Variants in TKTL1 observed in about 807,000 individuals in gnomAD.
TKTL1 encodes transketolase-like protein 1.
Under a neutral mutation model 39.3 loss-of-function variants are expected in TKTL1, and 1 was observed. The observed-to-expected ratio is 0.03, with a 90% CI of 0.01 to 0.12. The LOEUF (loss-of-function observed/expected upper bound fraction) is 0.12. Among genes scored for constraint, TKTL1 ranks in the 10% least tolerant of loss-of-function variants. TKTL1 has a pLI of 1.00. For missense variants in TKTL1, 575 were observed against 509.6 expected, an observed-to-expected ratio of 1.13 and a Z score of -1.24; for synonymous variants, 262 against 193.8, an observed-to-expected ratio of 1.35 and a Z score of -2.92.
rs782531190 is a variant in TKTL1, at chrX:154,329,572, C to T, written c.1675C>T (p.His559Tyr). Residue 559 changes from histidine (H) to tyrosine (Y), a missense_variant, in exon 13 of 13, where the codon CAT (histidine) becomes TAT (tyrosine). His to Tyr is a moderately conservative substitution (Grantham distance 83). Coordinates refer to ENST00000369915, the MANE Select transcript of TKTL1 (RefSeq NM_012253.4). ...AVSMDPDIQV[H>Y]SLAVSGVPQS... ...CTCCATGGATCCTGACATTCAGGTT[C>T]ATTCGCTGGCAGTGTCGGGAGTGCC... is the stretch of plus-strand genomic sequence containing the variant. The T allele has an allele frequency of 7.4e-6, 9 of 1,210,228 alleles. No individual in the cohort carries two copies. Among genetic ancestry groups the T allele is most frequent in the South Asian group, 3.5e-5 (2 of 56,897 alleles).
chrX:154,309,280 C>T lies in TKTL1; in HGVS notation c.253-65C>T, dbSNP rs782085885. The stretch of plus-strand genomic sequence containing the variant: ...TGACAGGAGCAGCCTGCACTCAGTG[C>T]GTGAGTCCACCTGATACCATGTCCT... On this transcript the variant is annotated intron_variant, in intron 2 of 12. Transcript: ENST00000369915. 14 of 944,209 alleles carry T rather than the reference C, an allele frequency of 1.5e-5. No homozygotes were observed. The East Asian group carries it at 3.4e-4, about 23-fold the overall frequency. The allele number at this position is 944,209 out of a possible 1,213,427, so 77.8% of individuals were successfully genotyped here.
intron 6 of TKTL1, among the ~76,000 whole-genome samples, chrX:154,314,449 A>C (rs2067381828): frequency 8.9e-6 from 1 of 111,870 alleles, no homozygotes; most frequent in Non-Finnish European, 1.9e-5. Flanking sequence ...AATAGAATTC[A>C]GTGTTCTAGT....
At chrX:154,304,747 G>A (rs1306733897) in intron 1 of TKTL1, among the ~76,000 whole-genome samples, 2 of 109,727 alleles carry the variant, frequency 1.8e-5, no homozygotes, top group Non-Finnish European at 3.8e-5. Context: ...CCAGGGAGTT[G>A]GTTTTGTCCC....
intron 5 of TKTL1, among the ~76,000 whole-genome samples, chrX:154,312,286 G>A (rs1294148909): frequency 8.9e-6 from 1 of 112,066 alleles, no homozygotes; most frequent in African/African-American, 3.2e-5. Context: ...GGCGGAGGCG[G>A]GAGGATCACT....
At chrX:154,300,890 A>T (rs2067268365) in intron 1 of TKTL1, among the ~76,000 whole-genome samples, 2 of 109,351 alleles carry the variant, frequency 1.8e-5, no homozygotes, top group African/African-American at 3.3e-5. Flanking sequence ...ACAAAGTTTC[A>T]CCAGACCATG....
rs1393737127 is a variant in TKTL1, at chrX:154,320,632, G to T, written c.1030-125G>T. 5.8e-5 allele frequency: 41 copies of T among 704,071 alleles called. No individual in the cohort carries two copies. The East Asian group carries it at 1.3e-3, about 23-fold the overall frequency. 58.0% of individuals were successfully genotyped at this position (704,071 alleles called of 1,213,427 possible). On this transcript the variant is annotated intron_variant, in intron 7 of 12. Coordinates refer to ENST00000369915, the MANE Select transcript of TKTL1 (RefSeq NM_012253.4). The stretch of plus-strand genomic sequence containing the variant: ...TTTGAGGAAAGAGGGGTGTGGGAAG[G>T]ACGCATGCTAGAACTTCAGAGCAGT...
At chrX:154,307,119 G>T (rs1047171441) in intron 2 of TKTL1, among the ~76,000 whole-genome samples, 12 of 110,293 alleles carry the variant, frequency 1.1e-4, no homozygotes, top group Non-Finnish European at 2.3e-4. Context: ...CAAAAAATAC[G>T]AAAATTAGCT....
rs782385349 is a variant in TKTL1 at position 154,329,669 on chromosome X, A to G, written c.1772A>G (p.Lys591Arg). Reference protein sequence around the residue: ...ISARHIIVAVKCMLLN With the variant: ...ISARHIIVAVRCMLLN ...GCCAGACATATCATAGTGGCCGTGA[A>G]ATGCATGTTGCTGAACTAAAATAGC... Residue 591 changes from lysine (K) to arginine (R), a missense_variant, in exon 13 of 13, where the codon AAA (lysine) becomes AGA (arginine). By Grantham distance (26) the Lys-to-Arg change is conservative. Coordinates refer to ENST00000369915, the MANE Select transcript of TKTL1 (RefSeq NM_012253.4). 2 of 1,211,029 alleles carry G rather than the reference A, an allele frequency of 1.7e-6. No homozygotes were observed. The highest frequency in any genetic ancestry group is 1.8e-5 in the South Asian group (1 of 56,927).
chrX:154,302,308 GA>G (rs1557166137), intron 1 of TKTL1, among the ~76,000 whole-genome samples: 1 of 111,277 alleles, frequency 9.0e-6, no homozygotes. Flanking sequence ...AACAAGGGTT[GA>G]ATAGGGGCAC....
chrX:154,311,270 G>A (rs1362375992), intron 5 of TKTL1, 32 bp downstream of exon 5: 1 of 1,208,067 alleles, frequency 8.3e-7, no homozygotes, highest in Admixed American at 2.2e-5. Context: ...GCTCCTGGTT[G>A]TTAAAAGCAT....
Position 154,303,379 on chromosome X carries a change from ATTTT to A in TKTL1, c.135-1896_135-1893del, listed in dbSNP as rs1172255094. On this transcript the variant is annotated intron_variant, in intron 1 of 12. Coordinates refer to ENST00000369915, the MANE Select transcript of TKTL1 (RefSeq NM_012253.4). ...AGGTGCATGCCACCCTGCCCAGCTAATTTTTTTTTTTTTTTTTTTTTTTTTTTTT... is the reference window on the plus strand; with the variant it reads ...AGGTGCATGCCACCCTGCCCAGCTAATTTTTTTTTTTTTTTTTTTTTTTTT... 5.0e-3 allele frequency among the ~76,000 whole-genome samples: 169 copies of A among 33,652 alleles called. 1 individual carries two copies. Among genetic ancestry groups the A allele is most frequent in the African/African-American group, 0.019 (138 of 7,434 alleles). 29.2% of individuals were successfully genotyped at this position (33,652 alleles called of 115,157 possible).
intron 10 of TKTL1, 123 bp downstream of exon 10, chrX:154,325,545 A>G (rs2067487541): frequency 1.6e-6 from 1 of 631,859 alleles, no homozygotes; most frequent in Non-Finnish European, 2.5e-6. Flanking sequence ...ATTTTTTTAA[A>G]AAACAGTTGT....
At chrX:154,298,155 G>A (rs2067245370) in intron 1 of TKTL1, among the ~76,000 whole-genome samples, 1 of 111,151 alleles carries the variant, frequency 9.0e-6, no homozygotes, top group African/African-American at 3.3e-5. Flanking sequence ...GTTATTCATA[G>A]TACACTGTCA....
Position 154,312,728 on chromosome X carries a change from A to G in TKTL1, c.819A>G (p.Thr273=). ...PIEDSPEVNI[T]DVRMTSPPDY... ...AGGACTCACCTGAAGTCAACATCAC[A>G]GATGTAAGGATGACCTCTCCACCTG... Residue 273 remains threonine (T), a synonymous_variant, in exon 6 of 13, where the codon ACA becomes ACG. Coordinates refer to ENST00000369915, the MANE Select transcript of TKTL1 (RefSeq NM_012253.4). The G allele has an allele frequency of 8.3e-7, 1 of 1,210,686 alleles. No individual in the cohort carries two copies. The highest frequency in any genetic ancestry group is 1.1e-6 in the Non-Finnish European group (1 of 894,988).
intron 8 of TKTL1, among the ~76,000 whole-genome samples, chrX:154,322,979 C>A (rs2067463579): frequency 8.9e-6 from 1 of 112,197 alleles, no homozygotes; most frequent in African/African-American, 3.2e-5. Flanking sequence ...TGAGACTTTT[C>A]AGTTGACTAA....
intron 7 of TKTL1, among the ~76,000 whole-genome samples, chrX:154,317,537 C>G (rs1247980080): frequency 8.9e-6 from 1 of 112,244 alleles, no homozygotes; most frequent in African/African-American, 3.2e-5. Flanking sequence ...TATAGGCGCC[C>G]TTTTCAGTAT....
chrX:154,327,157 C>A (rs1603355372), intron 10 of TKTL1: 1 of 251,676 alleles, frequency 4.0e-6, no homozygotes, highest in East Asian at 1.0e-4. Context: ...TGGGCCACTT[C>A]CTCCTGCTCT....
Position 154,295,886 on chromosome X carries a change from G to A in TKTL1, c.27G>A (p.Glu9=). The A allele has an allele frequency of 8.3e-7, 1 of 1,212,093 alleles. No homozygotes were observed. The highest frequency in any genetic ancestry group is 1.7e-5 in the African/African-American group (1 of 57,959). The part of the protein sequence containing the change: MADAEARA[E]FPEEARPDRG... ...TGGCGGATGCTGAGGCGAGGGCTGA[G>A]TTCCCGGAGGAGGCCAGACCTGACA... is the stretch of plus-strand genomic sequence containing the variant. Residue 9 remains glutamate (E), a synonymous_variant, in exon 1 of 13, where the codon GAG becomes GAA. Coordinates refer to ENST00000369915, the MANE Select transcript of TKTL1 (RefSeq NM_012253.4).
rs782599404 is a variant in TKTL1 at position 154,327,125 on chromosome X, G to A, written c.1402-466G>A. Reference sequence around the variant, plus strand: ...AGGGCTTTGATGTCAGCCCCGCCTGGCTGTGGGTCCCAGCCCTGCCCTGGG... The same window carrying A: ...AGGGCTTTGATGTCAGCCCCGCCTGACTGTGGGTCCCAGCCCTGCCCTGGG... On this transcript the variant is annotated intron_variant, in intron 10 of 12. Transcript: ENST00000369915. 4.5e-5 allele frequency: 10 copies of A among 220,759 alleles called. No individual in the cohort carries two copies. In the East Asian group the frequency reaches 1.2e-3, roughly 26 times the overall value. 18.2% of individuals were successfully genotyped at this position (220,759 alleles called of 1,213,427 possible).
Sources: allele counts gnomAD v4.1 joint callset (sites outside exome capture counted in the v4.1 genomes callset), GRCh38; gene constraint gnomAD v4.1.1; transcripts MANE v1.5; gene names NCBI Gene and HGNC (gene_info 2026-07-23, HGNC 2026-07-21).